Variants in RBMS3 observed in about 807,000 individuals in gnomAD.
RBMS3 encodes RNA binding motif single stranded interacting protein 3.
Under a neutral mutation model 66.8 loss-of-function variants are expected in RBMS3, and 27 were observed. The observed-to-expected ratio is 0.40, with a 90% CI of 0.30 to 0.56. The LOEUF is 0.56. Among genes scored for constraint, RBMS3 ranks in the 20% least tolerant of loss-of-function variants. The pLI, the probability that RBMS3 is intolerant of heterozygous loss-of-function variation, is 0.40. For synonymous variants in RBMS3, 188 were observed against 183.0 expected, an observed-to-expected ratio of 1.03 and a Z score of -0.22; for missense variants, 513 against 549.5, an observed-to-expected ratio of 0.93 and a Z score of 0.66.
chr3:29,948,706 A>G (rs1302546104), intron 12 of RBMS3, among the ~76,000 whole-genome samples: 1 of 151,814 alleles, frequency 6.6e-6, no homozygotes, highest in African/African-American at 2.4e-5. Context: ...TTTTGGCTCA[A>G]ATACCGTGCA....
intron 3 of RBMS3, among the ~76,000 whole-genome samples, chr3:29,530,002 T>C (rs1319996900): frequency 1.3e-5 from 2 of 152,220 alleles, no homozygotes; most frequent in African/African-American, 4.8e-5. Flanking sequence ...TATTGGATAG[T>C]AAGTAAATAT....
At chr3:29,867,794 G>A (rs951827024) in intron 6 of RBMS3, among the ~76,000 whole-genome samples, 2 of 151,600 alleles carry the variant, frequency 1.3e-5, no homozygotes, top group African/African-American at 4.8e-5. Flanking sequence ...AGGGCCTTTA[G>A]TATCATTAAT....
chr3:29,793,413 A>T (rs1356832757), intron 6 of RBMS3, among the ~76,000 whole-genome samples: 4 of 152,174 alleles, frequency 2.6e-5, no homozygotes, highest in African/African-American at 9.7e-5. Context: ...GATTTATTTA[A>T]TATTTATTAA....
chr3:29,601,632 T>C (rs901571804), intron 4 of RBMS3, among the ~76,000 whole-genome samples: 3 of 152,028 alleles, frequency 2.0e-5, no homozygotes, highest in Admixed American at 6.6e-5. Flanking sequence ...AAAAACAGAC[T>C]ACCCTCCTAT....
intron 4 of RBMS3, among the ~76,000 whole-genome samples, chr3:29,690,347 A>T (rs1289469899): frequency 6.6e-6 from 1 of 151,762 alleles, no homozygotes; most frequent in Non-Finnish European, 1.5e-5. Context: ...GTACTTGGGA[A>T]GTTGAAGAAG....
At chr3:29,685,184 G>T (rs185553910) in intron 4 of RBMS3, among the ~76,000 whole-genome samples, 49 of 151,890 alleles carry the variant, frequency 3.2e-4, no homozygotes, top group Non-Finnish European at 3.5e-4. Flanking sequence ...TCAGCCTCCC[G>T]AGTAGCTGGG....
chr3:29,329,471 G>A (rs1036450129), intron 1 of RBMS3, among the ~76,000 whole-genome samples: 1 of 151,946 alleles, frequency 6.6e-6, no homozygotes, highest in African/African-American at 2.4e-5. Flanking sequence ...AAAAGCCACA[G>A]GAAGCATTTA....
At chr3:29,950,362 A>G (rs971017784) in intron 12 of RBMS3, among the ~76,000 whole-genome samples, 1 of 151,836 alleles carries the variant, frequency 6.6e-6, no homozygotes, top group Non-Finnish European at 1.5e-5. Flanking sequence ...TCATCTACAA[A>G]AGGGCAGAGC....
chr3:29,385,540 G>A (rs1388550889), intron 1 of RBMS3, among the ~76,000 whole-genome samples: 1 of 152,068 alleles, frequency 6.6e-6, no homozygotes, highest in African/African-American at 2.4e-5. Context: ...CTTCTTTATT[G>A]TAGTTTCAGA....
chr3:29,571,738 A>G (rs1447882651), intron 3 of RBMS3, among the ~76,000 whole-genome samples: 9 of 152,102 alleles, frequency 5.9e-5, no homozygotes, highest in Admixed American at 4.6e-4. Context: ...TTTTGCTTAG[A>G]ATAGCTTTGG....
At chr3:29,299,324 A>G (rs2033510899) in intron 1 of RBMS3, among the ~76,000 whole-genome samples, 1 of 151,970 alleles carries the variant, frequency 6.6e-6, no homozygotes. Context: ...GAGCACAGCA[A>G]TGACAGAAAG....
At chr3:29,352,230 G>T (rs1377093598) in intron 1 of RBMS3, among the ~76,000 whole-genome samples, 2 of 151,730 alleles carry the variant, frequency 1.3e-5, no homozygotes, top group South Asian at 2.1e-4. Flanking sequence ...TATTTTGTTC[G>T]TTTTTGCAAA....
At chr3:29,903,823 C>A (rs546106425) in intron 10 of RBMS3, among the ~76,000 whole-genome samples, 28 of 151,890 alleles carry the variant, frequency 1.8e-4, no homozygotes, top group African/African-American at 6.5e-4. Context: ...TGAATCAATA[C>A]ATGATTTGTT....
rs1699890462 is a variant in RBMS3, at chr3:30,009,234, T to G, written c.*5372T>G. 1.3e-5 allele frequency: 2 copies of G among 152,118 alleles called. No homozygotes were observed. The highest frequency in any genetic ancestry group is 4.8e-5 in the African/African-American group (2 of 41,434). 9.4% of individuals were successfully genotyped at this position (152,118 alleles called of 1,614,324 possible). A position where few individuals can be genotyped will look rare whatever the true frequency, so the allele number is the denominator to read the frequency against. ...AATTTTTGAAGGGCTAATTATCTACTTTGTGGGTGTGTTTTGTTTTTTCTT... is the reference window on the plus strand; with the variant it reads ...AATTTTTGAAGGGCTAATTATCTACGTTGTGGGTGTGTTTTGTTTTTTCTT... On this transcript the variant is annotated 3_prime_UTR_variant, in exon 15 of 15. Transcript: ENST00000383767.
At chr3:29,770,190 T>C (rs1434412690) in intron 6 of RBMS3, among the ~76,000 whole-genome samples, 1 of 151,956 alleles carries the variant, frequency 6.6e-6, no homozygotes, top group Non-Finnish European at 1.5e-5. Flanking sequence ...ACAATGATTA[T>C]GCAGCACTTT....
intron 1 of RBMS3, among the ~76,000 whole-genome samples, chr3:29,403,749 G>A (rs1306423192): frequency 1.3e-5 from 2 of 152,008 alleles, no homozygotes; most frequent in African/African-American, 2.4e-5. Flanking sequence ...GCAGACTTGA[G>A]ATTAAAGATT....
At chr3:29,886,321 G>A (rs955455209) in intron 8 of RBMS3, among the ~76,000 whole-genome samples, 2 of 151,864 alleles carry the variant, frequency 1.3e-5, no homozygotes, top group Non-Finnish European at 2.9e-5. Flanking sequence ...TTGGGTGAGT[G>A]TTAATATCCC....
At chr3:29,913,719 TAATC>T (rs1240117341) in intron 10 of RBMS3, among the ~76,000 whole-genome samples, 1 of 151,974 alleles carries the variant, frequency 6.6e-6, no homozygotes, top group Non-Finnish European at 1.5e-5. Flanking sequence ...AAACGGTTCT[TAATC>T]AATACACATT....
At chr3:29,830,151 T>G (rs2058333315) in intron 6 of RBMS3, among the ~76,000 whole-genome samples, 1 of 152,148 alleles carries the variant, frequency 6.6e-6, no homozygotes, top group South Asian at 2.1e-4. Context: ...TCTTTTTTTT[T>G]TGTCCACTTG....
Sources: allele counts gnomAD v4.1 joint callset (sites outside exome capture counted in the v4.1 genomes callset), GRCh38; gene constraint gnomAD v4.1.1; transcripts MANE v1.5; gene names NCBI Gene and HGNC (gene_info 2026-07-23, HGNC 2026-07-21).